The following NRXN3 variants were observed in gnomAD, a reference collection of about 807,000 sequenced individuals.
NRXN3 encodes the protein neurexin III.
A neutral mutation model predicts 137.6 loss-of-function variants in NRXN3; 32 were observed. The observed-to-expected ratio is 0.23, with a 90% CI of 0.18 to 0.31. NRXN3 has a LOEUF of 0.31. NRXN3 is among the 10% of genes least tolerant of loss of function. NRXN3 has a pLI of 1.00. For synonymous variants in NRXN3, 798 were observed against 784.5 expected (o/e 1.02, Z -0.29); for missense variants, 1,574 against 2,062.5 (o/e 0.76, Z 4.59).
chr14:78,893,982 T>TTATAATTTAGTATTATAA (rs1476792305), intron 10 of NRXN3, among the ~76,000 whole-genome samples: 1 of 151,942 alleles, frequency 6.6e-6, no homozygotes, highest in Non-Finnish European at 1.5e-5. Context: ...AGTATTGTGT[T>TTATAATTTAGTATTATAA]GCTAAAAATT....
At position 78,954,589 on chromosome 14, in the gene NRXN3, C is replaced by T. The variant is rs537963844; in HGVS notation, c.2276-2653C>T. Among the ~76,000 whole-genome samples, 10 of 152,010 alleles carry T rather than the reference C, an allele frequency of 6.6e-5. No homozygotes were observed. The East Asian group carries it at 9.7e-4, about 15-fold the overall frequency. On this transcript the variant is annotated intron_variant, in intron 10 of 20. Coordinates refer to ENST00000335750, the MANE Select transcript of NRXN3 (RefSeq NM_001330195.2). ...ACTCCATTCTCCTGCCTCAGTCTCCCGAGTAGCTGGGACTACAGGCGCCTG... is the reference window on the plus strand; with the variant it reads ...ACTCCATTCTCCTGCCTCAGTCTCCTGAGTAGCTGGGACTACAGGCGCCTG...
At chr14:78,515,923 T>C (rs2096199153) in intron 4 of NRXN3, among the ~76,000 whole-genome samples, 1 of 152,148 alleles carries the variant, frequency 6.6e-6, no homozygotes. Flanking sequence ...CCAAATTGGA[T>C]GAGCGCCTTA....
intron 15 of NRXN3, among the ~76,000 whole-genome samples, chr14:79,155,574 G>A (rs1396003732): frequency 6.6e-6 from 1 of 151,578 alleles, no homozygotes; most frequent in African/African-American, 2.4e-5. Context: ...TAAAGTAAAT[G>A]AAAAGTCGGT....
intron 15 of NRXN3, among the ~76,000 whole-genome samples, chr14:79,414,315 T>C (rs545799355): frequency 2.6e-5 from 4 of 152,308 alleles, no homozygotes; most frequent in African/African-American, 9.6e-5. Flanking sequence ...GCTGATACTG[T>C]TCAGCTCTCC....
chr14:79,039,538 A>C (rs2099621698), intron 15 of NRXN3, among the ~76,000 whole-genome samples: 1 of 152,088 alleles, frequency 6.6e-6, no homozygotes, highest in African/African-American at 2.4e-5. Context: ...CATGTTCTGC[A>C]CCACACCATT....
intron 15 of NRXN3, among the ~76,000 whole-genome samples, chr14:79,096,783 G>T (rs1483763920): frequency 6.6e-6 from 1 of 151,942 alleles, no homozygotes; most frequent in Non-Finnish European, 1.5e-5. Flanking sequence ...TCTTGCTTGA[G>T]CCTATTGCTC....
At chr14:78,386,655 C>A (rs1464710944) in intron 4 of NRXN3, among the ~76,000 whole-genome samples, 1 of 152,142 alleles carries the variant, frequency 6.6e-6, no homozygotes. Flanking sequence ...ATGTAAGTGA[C>A]CTATGTCACA....
At chr14:78,289,360 T>TA (rs1309431482) in intron 3 of NRXN3, among the ~76,000 whole-genome samples, 2 of 152,166 alleles carry the variant, frequency 1.3e-5, no homozygotes, top group African/African-American at 4.8e-5. Context: ...CCACCATTTT[T>TA]ATAGGTCAAA....
chr14:79,522,559 A>C (rs2097077553), intron 16 of NRXN3, among the ~76,000 whole-genome samples: 1 of 152,198 alleles, frequency 6.6e-6, no homozygotes. Context: ...ACTCTTTTAA[A>C]AAAGAAAAAA....
At chr14:79,520,827 A>G (rs2097057136) in intron 16 of NRXN3, among the ~76,000 whole-genome samples, 1 of 152,162 alleles carries the variant, frequency 6.6e-6, no homozygotes, top group South Asian at 2.1e-4. Context: ...TGGGAGTGTA[A>G]ATTAGTTCAA....
At chr14:78,974,161 G>C (rs2099455125) in intron 14 of NRXN3, among the ~76,000 whole-genome samples, 1 of 152,272 alleles carries the variant, frequency 6.6e-6, no homozygotes, top group Non-Finnish European at 1.5e-5. Context: ...TGGCAATACT[G>C]TTGTTTTAGA....
chr14:78,723,724 T>C (rs2098470581), intron 8 of NRXN3, among the ~76,000 whole-genome samples: 1 of 152,354 alleles, frequency 6.6e-6, no homozygotes, highest in Admixed American at 6.5e-5. Flanking sequence ...AAAGTTAATA[T>C]TCCCCTTTCA....
intron 15 of NRXN3, among the ~76,000 whole-genome samples, chr14:79,273,584 A>C (rs2079759245): frequency 6.6e-6 from 1 of 152,182 alleles, no homozygotes; most frequent in African/African-American, 2.4e-5. Context: ...CAGTGAGCCA[A>C]GATCGCGCCA....
chr14:78,703,475 T>C (rs2098311387), intron 6 of NRXN3: 1 of 152,240 alleles, frequency 6.6e-6, no homozygotes, highest in Admixed American at 6.5e-5. Flanking sequence ...AAGTTTTATC[T>C]AGAAGCTGTA....
At chr14:79,306,733 G>T (rs183054115) in intron 15 of NRXN3, among the ~76,000 whole-genome samples, 81 of 152,138 alleles carry the variant, frequency 5.3e-4, no homozygotes, top group Admixed American at 9.8e-4. Flanking sequence ...AGCCCCAGTT[G>T]TCGGCAAATT....
At chr14:79,319,714 C>T (rs956595168) in intron 15 of NRXN3, among the ~76,000 whole-genome samples, 1 of 152,172 alleles carries the variant, frequency 6.6e-6, no homozygotes, top group Non-Finnish European at 1.5e-5. Flanking sequence ...GTTATAATTT[C>T]ATGCCTGTTG....
At chr14:78,459,650 T>G (rs1380215465) in intron 4 of NRXN3, among the ~76,000 whole-genome samples, 2 of 151,862 alleles carry the variant, frequency 1.3e-5, no homozygotes, top group Non-Finnish European at 2.9e-5. Flanking sequence ...GGTGATGGAG[T>G]GGGATGATGG....
At chr14:79,818,782 A>G (rs1375630085) in intron 20 of NRXN3, among the ~76,000 whole-genome samples, 1 of 152,230 alleles carries the variant, frequency 6.6e-6, no homozygotes, top group Non-Finnish European at 1.5e-5. Context: ...AAAATGAGTT[A>G]TAAAGAACTA....
chr14:78,647,825 C>G (rs923661841), intron 5 of NRXN3, among the ~76,000 whole-genome samples: 5 of 152,172 alleles, frequency 3.3e-5, no homozygotes, highest in Non-Finnish European at 7.4e-5. Context: ...TTTATAACAT[C>G]TATTTGAGTT....
Sources: gnomAD v4.1 joint callset for allele counts (sites outside exome capture counted in the v4.1 genomes callset) on GRCh38, gnomAD v4.1.1 for gene constraint, MANE v1.5 for transcripts, NCBI Gene and HGNC (gene_info 2026-07-23, HGNC 2026-07-21) for gene names.